Variants in EMC8 observed in about 807,000 individuals in gnomAD.
EMC8 encodes ER membrane protein complex subunit 8.
Under a neutral mutation model 24.3 loss-of-function variants are expected in EMC8, and 11 were observed. The observed-to-expected ratio is 0.45, with a 90% CI of 0.28 to 0.75. EMC8 has a LOEUF of 0.75. EMC8 is among the 30% of genes least tolerant of loss of function. The probability of loss-of-function intolerance (pLI) is 0.12; values close to 1 mark genes in which losing one functional copy is unlikely to be tolerated. For synonymous variants in EMC8, 145 were observed against 117.7 expected (o/e 1.23, Z -1.50); for missense variants, 277 against 282.7 (o/e 0.98, Z 0.14).
chr16:85,794,996 C>T (rs552342016), intron 1 of EMC8, among the ~76,000 whole-genome samples: 62 of 152,232 alleles, frequency 4.1e-4, no homozygotes, highest in African/African-American at 1.4e-3. Context: ...CCTGCTCCCC[C>T]GTGGAAAATT....
intron 1 of EMC8, among the ~76,000 whole-genome samples, chr16:85,795,137 G>A (rs1412043577): frequency 2.6e-5 from 4 of 152,056 alleles, no homozygotes; most frequent in South Asian, 2.1e-4. Flanking sequence ...TCCCATAGTC[G>A]GAACAGAAGT....
At chr16:85,789,190 A>G (rs1904892333) in intron 1 of EMC8, 140 bp from the exon 2 acceptor site, 1 of 654,264 alleles carries the variant, frequency 1.5e-6, no homozygotes, top group Admixed American at 2.6e-5. Flanking sequence ...CCCAGAAGAA[A>G]GGGTAGGACT....
chr16:85,782,077 G>A (rs897150127), intron 2 of EMC8, among the ~76,000 whole-genome samples: 1 of 152,214 alleles, frequency 6.6e-6, no homozygotes, highest in African/African-American at 2.4e-5. Context: ...AAGGCTCCCA[G>A]GAAGCCAGTG....
chr16:85,794,603 C>T (rs888385257), intron 1 of EMC8, among the ~76,000 whole-genome samples: 1 of 152,138 alleles, frequency 6.6e-6, no homozygotes, highest in Admixed American at 6.5e-5. Flanking sequence ...GCGGGAGAAT[C>T]GCTTGAACCT....
chr16:85,784,140 A>G (rs1048461210), intron 2 of EMC8, among the ~76,000 whole-genome samples: 1 of 152,150 alleles, frequency 6.6e-6, no homozygotes, highest in African/African-American at 2.4e-5. Context: ...CTGGGACTAC[A>G]GGCGCCCGCC....
At chr16:85,792,794 C>T (rs1349156728) in intron 1 of EMC8, 3 of 152,228 alleles carry the variant, frequency 2.0e-5, no homozygotes, top group African/African-American at 7.2e-5. Context: ...CGAGGCAAGA[C>T]AAGGCACAGC....
At chr16:85,793,630 G>C (rs1905110815) in intron 1 of EMC8, among the ~76,000 whole-genome samples, 1 of 152,230 alleles carries the variant, frequency 6.6e-6, no homozygotes, top group Admixed American at 6.5e-5. Flanking sequence ...CAGAGGAGCA[G>C]AGGACAGGCC....
At chr16:85,794,639 A>C (rs901135015) in intron 1 of EMC8, among the ~76,000 whole-genome samples, 1 of 152,198 alleles carries the variant, frequency 6.6e-6, no homozygotes, top group Non-Finnish European at 1.5e-5. Context: ...CAGCGAGCCG[A>C]CATCGCTCCA....
intron 1 of EMC8, among the ~76,000 whole-genome samples, chr16:85,793,265 C>T (rs1905092445): frequency 6.6e-6 from 1 of 152,204 alleles, no homozygotes; most frequent in Non-Finnish European, 1.5e-5. Flanking sequence ...GAGGCAGGGA[C>T]CACAACTTGC....
At chr16:85,788,626 T>C (rs2152074660) in intron 2 of EMC8, among the ~76,000 whole-genome samples, 1 of 152,332 alleles carries the variant, frequency 6.6e-6, no homozygotes, top group South Asian at 2.1e-4. Context: ...TAGAGCAACA[T>C]TCCTTCCCAG....
intron 1 of EMC8, among the ~76,000 whole-genome samples, chr16:85,793,405 GATCT>G (rs1905098536): frequency 6.6e-6 from 1 of 152,160 alleles, no homozygotes; most frequent in African/African-American, 2.4e-5. Context: ...GTCAGCTGCT[GATCT>G]TTCTATGGAA....
intron 4 of EMC8, 46 bp from the exon 5 acceptor site, chr16:85,779,913 G>A: frequency 6.3e-7 from 1 of 1,588,050 alleles, no homozygotes; most frequent in Middle Eastern, 1.9e-4. Context: ...GTGAAAACGG[G>A]CGGCTTGTAA....
intron 1 of EMC8, among the ~76,000 whole-genome samples, chr16:85,794,890 C>T (rs1905184930): frequency 1.3e-5 from 2 of 152,108 alleles, no homozygotes; most frequent in African/African-American, 4.8e-5. Flanking sequence ...CAGAGTGGGC[C>T]CCTGCGGTGC....
At chr16:85,785,123 T>A (rs1286725258) in intron 2 of EMC8, 2 of 152,268 alleles carry the variant, frequency 1.3e-5, no homozygotes, top group African/African-American at 4.8e-5. Context: ...ATTTTTGTAT[T>A]TTTTTGTAGA....
rs1421210778 is a variant in EMC8, at chr16:85,781,287, A to G, written c.309-7T>C. 7.0e-7 allele frequency: 1 copy of G among 1,432,648 alleles called. No homozygotes were observed. Among genetic ancestry groups the G allele is most frequent in the Admixed American group, 2.2e-5 (1 of 44,720 alleles). 88.7% of individuals were successfully genotyped at this position (1,432,648 alleles called of 1,614,324 possible). A position where few individuals can be genotyped will look rare whatever the true frequency, so the allele number is the denominator to read the frequency against. On this transcript the variant is annotated splice_region_variant and splice_polypyrimidine_tract_variant and intron_variant, in intron 2 of 4. Transcript: ENST00000253457. Reference sequence around the variant, plus strand: ...CTCTGCAACCTGGTTTGGACTGTCAAAGAAATAGGCTACCACATTCCAGTT... The same window carrying G: ...CTCTGCAACCTGGTTTGGACTGTCAGAGAAATAGGCTACCACATTCCAGTT...
rs950546877 is a variant in EMC8 at position 85,779,071 on chromosome 16, C to T, written c.*637G>A. 5.9e-5 allele frequency: 9 copies of T among 152,246 alleles called. No individual in the cohort carries two copies. The highest frequency in any genetic ancestry group is 1.2e-4 in the Non-Finnish European group (8 of 68,080). 9.4% of individuals were successfully genotyped at this position (152,246 alleles called of 1,614,324 possible). On this transcript the variant is annotated 3_prime_UTR_variant, in exon 5 of 5. Transcript: ENST00000253457. ...TGCTACCAGAGATGTCTGCTTTTGC[C>T]CCTAACGATAAAGGCTTCTGTGGCA...
chr16:85,780,901 G>T, intron 3 of EMC8: 1 of 475,400 alleles, frequency 2.1e-6, no homozygotes, highest in Non-Finnish European at 3.8e-6. Flanking sequence ...GGACTGCTGG[G>T]CTAAACCCCC....
At chr16:85,793,656 G>C (rs1905112991) in intron 1 of EMC8, among the ~76,000 whole-genome samples, 1 of 152,214 alleles carries the variant, frequency 6.6e-6, no homozygotes, top group Non-Finnish European at 1.5e-5. Flanking sequence ...GGAGGCCACA[G>C]CAAGAATTCT....
At chr16:85,795,965 GTCT>G (rs1274413647) in intron 1 of EMC8, among the ~76,000 whole-genome samples, 2 of 152,152 alleles carry the variant, frequency 1.3e-5, no homozygotes, top group Non-Finnish European at 2.9e-5. Flanking sequence ...GGTCACACAA[GTCT>G]TCTTCTGTGT....
Sources: allele counts gnomAD v4.1 joint callset (sites outside exome capture counted in the v4.1 genomes callset), GRCh38; gene constraint gnomAD v4.1.1; transcripts MANE v1.5; gene names NCBI Gene and HGNC (gene_info 2026-07-23, HGNC 2026-07-21).